VPS13A: variants seen among roughly 807,000 people sequenced by gnomAD.
VPS13A encodes intermembrane lipid transfer protein VPS13A.
VPS13A carries 264 observed loss-of-function variants against 390.9 expected under a neutral mutation model. That is an observed-to-expected ratio of 0.68 (90% CI 0.61 to 0.75). The LOEUF (loss-of-function observed/expected upper bound fraction) is 0.75, where lower values mean the gene tolerates loss of function less well. Among genes scored for constraint, VPS13A ranks in the 30% least tolerant of loss-of-function variants. VPS13A has a pLI of 0.00. For missense variants in VPS13A, 3,409 were observed against 3,733.9 expected (o/e 0.91, Z 2.27); for synonymous variants, 1,231 against 1,227.1 (o/e 1.00, Z -0.07).
intron 23 of VPS13A, among the ~76,000 whole-genome samples, chr9:77,266,141 A>T (rs1321631538): frequency 6.6e-6 from 1 of 152,200 alleles, no homozygotes; most frequent in Admixed American, 6.5e-5. Flanking sequence ...ACTGGATTGC[A>T]CTGTGGTCTG....
intron 50 of VPS13A, among the ~76,000 whole-genome samples, chr9:77,341,286 C>T (rs1830791964): frequency 6.6e-6 from 1 of 151,934 alleles, no homozygotes; most frequent in African/African-American, 2.4e-5. Flanking sequence ...CTTTAGGTCC[C>T]CTCCCATTTA....
chr9:77,357,553 G>A lies in VPS13A; in HGVS notation c.7807-139G>A, dbSNP rs964566897. ...AATTATATGAATATGTGAATTTTATGGACATGGGATATTAAGATCTAAATC... is the reference window on the plus strand; with the variant it reads ...AATTATATGAATATGTGAATTTTATAGACATGGGATATTAAGATCTAAATC... On this transcript the variant is annotated intron_variant, in intron 55 of 71. Transcript: ENST00000360280. 4.9e-6 allele frequency: 4 copies of A among 812,252 alleles called. No homozygotes were observed. The Admixed American group carries it at 1.1e-4, about 23-fold the overall frequency. 50.3% of individuals were successfully genotyped at this position (812,252 alleles called of 1,614,324 possible). A position where few individuals can be genotyped will look rare whatever the true frequency, so the allele number is the denominator to read the frequency against.
intron 17 of VPS13A, among the ~76,000 whole-genome samples, chr9:77,236,124 A>AG (rs1824129557): frequency 1.3e-5 from 2 of 152,214 alleles, no homozygotes; most frequent in Non-Finnish European, 2.9e-5. Context: ...AATGCATTTT[A>AG]AACTTATGAC....
intron 1 of VPS13A, among the ~76,000 whole-genome samples, chr9:77,196,922 G>A (rs1353995562): frequency 6.6e-6 from 1 of 152,096 alleles, no homozygotes; most frequent in East Asian, 1.9e-4. Flanking sequence ...CTTCCATAGT[G>A]TGTTTTATAA....
intron 23 of VPS13A, among the ~76,000 whole-genome samples, chr9:77,266,969 T>C (rs1046701311): frequency 1.3e-5 from 2 of 152,060 alleles, no homozygotes; most frequent in Non-Finnish European, 2.9e-5. Flanking sequence ...TTGATACTTG[T>C]ATATGCTTCA....
rs566340537 is a variant in VPS13A at position 77,273,253 on chromosome 9, A to C, written c.2428-27A>C. The C allele has an allele frequency of 4.4e-5, 69 of 1,556,884 alleles. 2 individuals carry two copies. The South Asian group carries it at 7.4e-4, about 17-fold the overall frequency. On this transcript the variant is annotated intron_variant, in intron 23 of 71. Transcript: ENST00000360280. ...GCGGTGAATAAACATTTTTGTGCTA[A>C]TCAACATTGAATTACTTTTCTTTCA...
At chr9:77,272,499 T>C (rs1334489759) in intron 23 of VPS13A, among the ~76,000 whole-genome samples, 2 of 152,210 alleles carry the variant, frequency 1.3e-5, no homozygotes, top group Non-Finnish European at 2.9e-5. Flanking sequence ...ATCAGTGCAA[T>C]ACAATATCAC....
rs111636295 is a variant in VPS13A at position 77,322,705 on chromosome 9, C to G, written c.5831-362C>G. On this transcript the variant is annotated intron_variant, in intron 44 of 71. Transcript: ENST00000360280. ...CACAAGTTGTTGGAAAAATTAAAAA[C>G]AAAAATTGTAGTCACCTTGATATTT... Among the ~76,000 whole-genome samples the G allele has an allele frequency of 2.5e-3, 384 of 151,946 alleles. 1 individual carries two copies. Among genetic ancestry groups the G allele is most frequent in the African/African-American group, 8.7e-3 (361 of 41,478 alleles).
rs779276826 is a variant in VPS13A at position 77,205,987 on chromosome 9, A to G, written c.293A>G (p.Tyr98Cys). The G allele has an allele frequency of 1.9e-6, 3 of 1,564,902 alleles. No homozygotes were observed. The South Asian group carries it at 3.5e-5, about 18-fold the overall frequency. Residue 98 changes from tyrosine (Y) to cysteine (C), a missense_variant, in exon 5 of 72, where the codon TAT (tyrosine) becomes TGT (cysteine). This residue lies in a region of VPS13A where 2,717 missense variants were observed against 2,917.4 expected (regional missense o/e 0.93). Coordinates refer to ENST00000360280, the MANE Select transcript of VPS13A (RefSeq NM_033305.3). Reference protein sequence around the residue: ...LLIVPSSRIKYDPLKEEKQLM... With the variant: ...LLIVPSSRIKCDPLKEEKQLM... Reference sequence around the variant, plus strand: ...TTTAATCTTCCTATAGGAATAAAATATGATCCTTTAAAAGAAGAGAAACAA... The same window carrying G: ...TTTAATCTTCCTATAGGAATAAAATGTGATCCTTTAAAAGAAGAGAAACAA...
chr9:77,256,864 T>TC (rs1229836069), intron 22 of VPS13A, among the ~76,000 whole-genome samples: 1 of 152,166 alleles, frequency 6.6e-6, no homozygotes. Flanking sequence ...ATTTTTTTTT[T>TC]CACTTTTAAC....
In VPS13A at chr9:77,254,806, A is replaced by G. The variant is rs575829100; in HGVS notation, c.2288+2454A>G. Among the ~76,000 whole-genome samples the G allele has an allele frequency of 2.0e-5, 3 of 152,230 alleles. No homozygotes were observed. The South Asian group carries it at 6.2e-4, about 32-fold the overall frequency. On this transcript the variant is annotated intron_variant, in intron 22 of 71. Transcript: ENST00000360280. ...TTTAAAAATTTTGGGGGGATTGTTT[A>G]TTGTTAGTATGTGGGAACTTAACTG...
At chr9:77,278,364 C>T (rs1037873459) in intron 26 of VPS13A, among the ~76,000 whole-genome samples, 3 of 151,754 alleles carry the variant, frequency 2.0e-5, no homozygotes, top group African/African-American at 7.3e-5. Flanking sequence ...TGAGCCACCG[C>T]GCCTGGCCAC....
At chr9:77,333,560 A>G (rs1473996271) in intron 46 of VPS13A, among the ~76,000 whole-genome samples, 1 of 151,378 alleles carries the variant, frequency 6.6e-6, no homozygotes, top group African/African-American at 2.4e-5. Context: ...GATTACAGGC[A>G]TGTGCCACCA....
At chr9:77,373,628 T>A (rs1298048258) in intron 67 of VPS13A, among the ~76,000 whole-genome samples, 3 of 150,394 alleles carry the variant, frequency 2.0e-5, no homozygotes, top group Non-Finnish European at 3.0e-5. Context: ...AAGCCAAAAT[T>A]GACAAATGGG....
chr9:77,309,537 ATC>A (rs1828948899), intron 35 of VPS13A, among the ~76,000 whole-genome samples: 2 of 152,230 alleles, frequency 1.3e-5, no homozygotes, highest in African/African-American at 4.8e-5. Flanking sequence ...ATACATATGT[ATC>A]ATAAAGATGA....
intron 10 of VPS13A, 97 bp downstream of exon 10, chr9:77,214,483 T>A: frequency 1.1e-6 from 1 of 946,650 alleles, no homozygotes; most frequent in East Asian, 2.7e-5. Context: ...CCTGTTAAAT[T>A]TCCTTCTATA....
intron 54 of VPS13A, among the ~76,000 whole-genome samples, chr9:77,355,163 T>C (rs1452205384): frequency 1.3e-5 from 2 of 152,234 alleles, no homozygotes; most frequent in African/African-American, 2.4e-5. Context: ...ACATATCCTG[T>C]GTTCTCCAAC....
chr9:77,344,002 T>G (rs2131519405), intron 50 of VPS13A, 151 bp from the exon 51 acceptor site: 2 of 691,774 alleles, frequency 2.9e-6, no homozygotes, highest in African/African-American at 1.8e-5. Context: ...AAGTTGAAAG[T>G]TTACAGCTGT....
At chr9:77,321,419 T>C (rs1272247813) in intron 43 of VPS13A, 72 bp from the exon 44 acceptor site, 7 of 1,589,932 alleles carry the variant, frequency 4.4e-6, no homozygotes, top group Non-Finnish European at 6.0e-6. Flanking sequence ...AGTTGTCATT[T>C]GTCCTTTACT....
Sources: allele counts gnomAD v4.1 joint callset (sites outside exome capture counted in the v4.1 genomes callset), GRCh38; gene constraint gnomAD v4.1.1; regional missense constraint gnomAD v4.1.1; transcripts MANE v1.5; gene names NCBI Gene and HGNC (gene_info 2026-07-23, HGNC 2026-07-21).